The following GRB2 variants were observed in gnomAD, a reference collection of about 807,000 sequenced individuals.
GRB2 encodes the protein growth factor receptor-bound protein 2.
GRB2 carries 2 observed loss-of-function variants against 27.4 expected under a neutral mutation model. The ratio of observed to expected loss-of-function variants is 0.07; its 90% CI spans 0.03 to 0.23. The LOEUF is 0.23. Among genes scored for constraint, GRB2 ranks in the 10% least tolerant of loss-of-function variants. The pLI is 1.00. For missense variants in GRB2, 102 were observed against 282.4 expected (o/e 0.36, Z 4.58); for synonymous variants, 94 against 99.6 (o/e 0.94, Z 0.33).
intron 2 of GRB2, among the ~76,000 whole-genome samples, chr17:75,346,323 GTC>G (rs1035773305): frequency 6.6e-6 from 1 of 151,970 alleles, no homozygotes; most frequent in Non-Finnish European, 1.5e-5. Flanking sequence ...GTAAAACCCT[GTC>G]TCTACTACAA....
chr17:75,332,042 A>G (rs1416601446), intron 3 of GRB2, among the ~76,000 whole-genome samples: 2 of 152,168 alleles, frequency 1.3e-5, no homozygotes, highest in Non-Finnish European at 2.9e-5. Flanking sequence ...GCAAGCCAGC[A>G]ACTGCTTCTG....
intron 2 of GRB2, among the ~76,000 whole-genome samples, chr17:75,388,566 C>A (rs1244877399): frequency 1.4e-5 from 2 of 138,602 alleles, no homozygotes; most frequent in Non-Finnish European, 3.0e-5. Context: ...TATACTGATA[C>A]TAGGACTTTA....
chr17:75,322,004 A>G (rs59940567), intron 4 of GRB2, among the ~76,000 whole-genome samples, 177 bp from the exon 5 acceptor site: 6,000 of 152,212 alleles, frequency 0.039, 379 homozygotes, highest in African/African-American at 0.13. Flanking sequence ...CCTATGAATG[A>G]TGGGCACCAG....
chr17:75,394,877 A>C (rs1356681904), intron 1 of GRB2: 1 of 152,242 alleles, frequency 6.6e-6, no homozygotes, highest in Non-Finnish European at 1.5e-5. Flanking sequence ...GCAGTAGTAC[A>C]ATGAACGGTG....
At chr17:75,369,690 CAAAAAA>C (rs35811117) in intron 2 of GRB2, among the ~76,000 whole-genome samples, 1 of 120,664 alleles carries the variant, frequency 8.3e-6, no homozygotes, top group African/African-American at 3.3e-5. Flanking sequence ...CCGTCTCCAC[CAAAAAA>C]AAAAAAAAAA....
chr17:75,321,853 AC>A, intron 4 of GRB2, 26 bp from the exon 5 acceptor site: 1 of 1,610,638 alleles, frequency 6.2e-7, no homozygotes, highest in South Asian at 1.1e-5. Flanking sequence ...AGCACATGTG[AC>A]CGGCTAAAGG....
chr17:75,386,740 T>A (rs1169691681), intron 2 of GRB2, among the ~76,000 whole-genome samples: 1 of 152,210 alleles, frequency 6.6e-6, no homozygotes, highest in African/African-American at 2.4e-5. Context: ...AAGAGGGGTA[T>A]CCATGTATTG....
At chr17:75,362,099 CACCATTCATCACCCTCA>C (rs1420039388) in intron 2 of GRB2, among the ~76,000 whole-genome samples, 2 of 89,082 alleles carry the variant, frequency 2.2e-5, no homozygotes, top group African/African-American at 7.0e-5. Flanking sequence ...CAGCTAGTGA[CACCATTCATCACCCTCA>C]GGCCCAGTTT....
At chr17:75,322,850 T>C (rs2078469877) in intron 4 of GRB2, among the ~76,000 whole-genome samples, 1 of 152,128 alleles carries the variant, frequency 6.6e-6, no homozygotes, top group South Asian at 2.1e-4. Flanking sequence ...CCGGATGCGG[T>C]GGCTCATGCC....
chr17:75,350,123 G>C (rs1300013520), intron 2 of GRB2, among the ~76,000 whole-genome samples: 1 of 151,154 alleles, frequency 6.6e-6, no homozygotes, highest in Non-Finnish European at 1.5e-5. Flanking sequence ...CCAGCTACCT[G>C]GGAAAGATCC....
chr17:75,388,646 G>T (rs992147187), intron 2 of GRB2, among the ~76,000 whole-genome samples: 16 of 147,746 alleles, frequency 1.1e-4, no homozygotes, highest in African/African-American at 4.0e-4. Context: ...TCGCTTTGTT[G>T]CCCAGGTTGG....
rs189096660 is a variant in GRB2 at position 75,338,705 on chromosome 17, G to C, written c.79-5908C>G. On this transcript the variant is annotated intron_variant, in intron 2 of 5. Transcript: ENST00000316804. Reference sequence around the variant, plus strand: ...GTTTTTTGGTTTTTTTTTGCAAAGAGACTGAAAATAATGTTAAGAGCCCAA... The same window carrying C: ...GTTTTTTGGTTTTTTTTTGCAAAGACACTGAAAATAATGTTAAGAGCCCAA... The C allele has an allele frequency of 1.7e-5, 8 of 460,218 alleles. No homozygotes were observed. In the Admixed American group the frequency reaches 1.8e-4, roughly 10 times the overall value. The allele number at this position is 460,218 out of a possible 1,614,324, so 28.5% of individuals were successfully genotyped here.
intron 2 of GRB2, among the ~76,000 whole-genome samples, chr17:75,341,241 G>T (rs373720474): frequency 6.6e-6 from 1 of 151,896 alleles, no homozygotes; most frequent in Non-Finnish European, 1.5e-5. Flanking sequence ...AGACCAGCCT[G>T]GTCAACATGG....
At chr17:75,404,250 A>G (rs1182779450) in intron 1 of GRB2, among the ~76,000 whole-genome samples, 3 of 152,166 alleles carry the variant, frequency 2.0e-5, no homozygotes, top group Admixed American at 2.0e-4. Context: ...CACACTTGCG[A>G]CCTAGTGGCA....
At chr17:75,371,620 G>GA (rs1414770626) in intron 2 of GRB2, 2 of 152,160 alleles carry the variant, frequency 1.3e-5, no homozygotes, top group Non-Finnish European at 2.9e-5. Context: ...GAACCCGAGG[G>GA]AAAAGAAGAA....
intron 3 of GRB2, 136 bp downstream of exon 3, chr17:75,332,564 A>G (rs1304312619): frequency 6.4e-6 from 4 of 628,716 alleles, no homozygotes; most frequent in Non-Finnish European, 1.1e-5. Flanking sequence ...AACATGCACA[A>G]TCAATATCCT....
At chr17:75,354,397 G>C (rs2078716837) in intron 2 of GRB2, among the ~76,000 whole-genome samples, 1 of 152,014 alleles carries the variant, frequency 6.6e-6, no homozygotes, top group Admixed American at 6.6e-5. Context: ...TGAGTAGCTG[G>C]GATTACAGGT....
At chr17:75,376,344 CAAAAAAAA>C (rs71159502) in intron 2 of GRB2, among the ~76,000 whole-genome samples, 49 of 74,488 alleles carry the variant, frequency 6.6e-4, no homozygotes, top group Non-Finnish European at 1.1e-3. Flanking sequence ...GACTCTGTCT[CAAAAAAAA>C]AAAAAAAAAA....
At chr17:75,365,597 A>G (rs2078813775) in intron 2 of GRB2, among the ~76,000 whole-genome samples, 1 of 152,206 alleles carries the variant, frequency 6.6e-6, no homozygotes, top group Non-Finnish European at 1.5e-5. Flanking sequence ...TTGAAAAGGA[A>G]CATCTGGTAC....
Sources: gnomAD v4.1 joint callset for allele counts (sites outside exome capture counted in the v4.1 genomes callset) on GRCh38, gnomAD v4.1.1 for gene constraint, MANE v1.5 for transcripts, NCBI Gene and HGNC (gene_info 2026-07-23, HGNC 2026-07-21) for gene names.